CAPN9: variants seen among roughly 807,000 people sequenced by gnomAD.
The protein encoded by CAPN9 is calpain-9.
Under a neutral mutation model 92.8 loss-of-function variants are expected in CAPN9, and 81 were observed. That is an observed-to-expected ratio of 0.87 (90% CI 0.73 to 1.05). The LOEUF (loss-of-function observed/expected upper bound fraction) is 1.05, where lower values mean the gene tolerates loss of function less well. Ranked by LOEUF, CAPN9 falls within the 50% of genes least tolerant of loss-of-function variation. The probability of loss-of-function intolerance (pLI) is 0.00; values close to 1 mark genes in which losing one functional copy is unlikely to be tolerated. For synonymous variants in CAPN9, 304 were observed against 328.0 expected, an observed-to-expected ratio of 0.93 and a Z score of 0.79; for missense variants, 848 against 866.2, an observed-to-expected ratio of 0.98 and a Z score of 0.26.
chr1:230,755,527 C>A, intron 2 of CAPN9, 121 bp downstream of exon 2: 1 of 676,118 alleles, frequency 1.5e-6, no homozygotes, highest in Non-Finnish European at 2.5e-6. Flanking sequence ...AACACTGCTT[C>A]GGCCTCTGCT....
At chr1:230,754,103 G>C (rs1432558880) in intron 1 of CAPN9, among the ~76,000 whole-genome samples, 1 of 151,376 alleles carries the variant, frequency 6.6e-6, no homozygotes, top group East Asian at 1.9e-4. Flanking sequence ...CCAGGGCTGA[G>C]GCAGGCTGGG....
intron 11 of CAPN9, among the ~76,000 whole-genome samples, chr1:230,781,585 T>C (rs1335750085): frequency 6.6e-6 from 1 of 152,246 alleles, no homozygotes; most frequent in Non-Finnish European, 1.5e-5. Context: ...CCATTCACCA[T>C]TGGTTGCTCT....
chr1:230,771,126 C>A (rs180846039), intron 6 of CAPN9, among the ~76,000 whole-genome samples: 6 of 152,306 alleles, frequency 3.9e-5, no homozygotes, highest in East Asian at 3.9e-4. Context: ...TCCTCTCCCC[C>A]CTACAAGGAA....
chr1:230,756,968 G>A (rs1247808674), intron 2 of CAPN9, among the ~76,000 whole-genome samples: 1 of 145,370 alleles, frequency 6.9e-6, no homozygotes, highest in African/African-American at 2.6e-5. Flanking sequence ...AAAAAAGGAA[G>A]GAAAGAAGGA....
chr1:230,756,813 A>G (rs1665253459), intron 2 of CAPN9, among the ~76,000 whole-genome samples: 1 of 152,082 alleles, frequency 6.6e-6, no homozygotes, highest in African/African-American at 2.4e-5. Context: ...TTGGTGGTGC[A>G]TGACCATAGT....
At chr1:230,749,942 C>T (rs1018106822) in intron 1 of CAPN9, among the ~76,000 whole-genome samples, 1 of 152,152 alleles carries the variant, frequency 6.6e-6, no homozygotes, top group African/African-American at 2.4e-5. Context: ...AACTCACTTA[C>T]TTTTTGTCAA....
chr1:230,794,659 G>A (rs1241659578), intron 17 of CAPN9, among the ~76,000 whole-genome samples: 1 of 152,188 alleles, frequency 6.6e-6, no homozygotes, highest in East Asian at 1.9e-4. Context: ...CATCGTGGAT[G>A]TGTAGGAATG....
At chr1:230,775,570 T>C (rs1310914046) in intron 8 of CAPN9, among the ~76,000 whole-genome samples, 1 of 152,226 alleles carries the variant, frequency 6.6e-6, no homozygotes, top group African/African-American at 2.4e-5. Context: ...TTCCCTTTCA[T>C]GTGCTCCAAC....
chr1:230,772,939 T>C (rs1666486067), intron 7 of CAPN9, among the ~76,000 whole-genome samples: 1 of 152,018 alleles, frequency 6.6e-6, no homozygotes, highest in Non-Finnish European at 1.5e-5. Context: ...GGGATGTTTG[T>C]GTGGGTGCGT....
chr1:230,755,798 G>A (rs1665186354), intron 2 of CAPN9, among the ~76,000 whole-genome samples: 1 of 152,168 alleles, frequency 6.6e-6, no homozygotes, highest in Admixed American at 6.5e-5. Context: ...CGTCACAGAT[G>A]AGGAAATGGA....
chr1:230,765,704 G>C (rs1244210112), intron 4 of CAPN9, among the ~76,000 whole-genome samples: 1 of 152,064 alleles, frequency 6.6e-6, no homozygotes, highest in Non-Finnish European at 1.5e-5. Context: ...ATAAACCCAA[G>C]TAGAAAATAA....
intron 7 of CAPN9, 92 bp downstream of exon 7, chr1:230,772,191 A>G (rs1666429707): frequency 9.6e-7 from 1 of 1,043,298 alleles, no homozygotes; most frequent in Admixed American, 1.8e-5. Flanking sequence ...TGGCCTGTCT[A>G]CTATCCTCCC....
chr1:230,801,351 A>G (rs1038474612), intron 19 of CAPN9, among the ~76,000 whole-genome samples: 2 of 152,242 alleles, frequency 1.3e-5, no homozygotes, highest in Admixed American at 1.3e-4. Flanking sequence ...ATATGAGCTC[A>G]CTTGGAAAGG....
chr1:230,783,953 T>G (rs977608233), intron 11 of CAPN9, among the ~76,000 whole-genome samples: 1 of 152,206 alleles, frequency 6.6e-6, no homozygotes, highest in Non-Finnish European at 1.5e-5. Context: ...GAGGAACTCA[T>G]TGGGAACTGA....
At chr1:230,797,356 A>G (rs1668423050) in intron 18 of CAPN9, among the ~76,000 whole-genome samples, 2 of 152,164 alleles carry the variant, frequency 1.3e-5, no homozygotes, top group Admixed American at 1.3e-4. Flanking sequence ...CATCATCTTC[A>G]TACCATTTGC....
In CAPN9 at chr1:230,779,065, G is replaced by A. The variant is rs1667030435; in HGVS notation, c.1046G>A (p.Trp349Ter). The part of the protein sequence containing the change: ...DALEEDAIHK[W>*]EVTVHQGSWV... ...CTGGAGGAAGACGCGATCCACAAATGGGAGGTGACGGTCCATCAGGGAAGC... is the reference window on the plus strand; with the variant it reads ...CTGGAGGAAGACGCGATCCACAAATAGGAGGTGACGGTCCATCAGGGAAGC... Residue 349 changes from tryptophan (W) to a stop codon, truncating the protein, a stop_gained, in exon 9 of 20, where the codon TGG (tryptophan) becomes TAG (stop). Transcript: ENST00000271971. LOFTEE classifies it high-confidence loss of function. 4.3e-6 allele frequency: 7 copies of A among 1,613,586 alleles called. No individual in the cohort carries two copies. In the East Asian group the frequency reaches 1.6e-4, roughly 36 times the overall value.
chr1:230,755,127 G>A lies in CAPN9; in HGVS notation c.214-210G>A, dbSNP rs776489717. Among the ~76,000 whole-genome samples the A allele has an allele frequency of 6.6e-5, 10 of 152,260 alleles. No homozygotes were observed. The South Asian group carries it at 1.0e-3, about 16-fold the overall frequency. On this transcript the variant is annotated intron_variant, in intron 1 of 19. Transcript: ENST00000271971. Reference sequence around the variant, plus strand: ...AGCTCAGGAGGCAGGACCTCTCCCCGGCGGAGGAGATTTACCAAAGATGAG... The same window carrying A: ...AGCTCAGGAGGCAGGACCTCTCCCCAGCGGAGGAGATTTACCAAAGATGAG...
At chr1:230,754,639 CAAA>C (rs58791351) in intron 1 of CAPN9, among the ~76,000 whole-genome samples, 49,780 of 124,440 alleles carry the variant, frequency 0.4, 9,144 homozygotes, top group Non-Finnish European at 0.42. Flanking sequence ...CCCATCTCCA[CAAA>C]AAAAAAAAAA....
intron 16 of CAPN9, 132 bp downstream of exon 16, chr1:230,792,626 C>T (rs908072594): frequency 2.5e-6 from 2 of 801,070 alleles, no homozygotes; most frequent in East Asian, 2.5e-5. Context: ...GAAGGGAAAA[C>T]AGCATCATGC....
Sources: allele counts gnomAD v4.1 joint callset (sites outside exome capture counted in the v4.1 genomes callset), GRCh38; gene constraint gnomAD v4.1.1; transcripts MANE v1.5; gene names NCBI Gene and HGNC (gene_info 2026-07-23, HGNC 2026-07-21).